Variants in MAGOH observed in about 807,000 individuals in gnomAD.
The protein encoded by MAGOH is protein mago nashi homolog.
Under a neutral mutation model 20.9 loss-of-function variants are expected in MAGOH, and 3 were observed. That is an observed-to-expected ratio of 0.14 (90% confidence interval 0.07 to 0.37). The LOEUF is 0.37. Ranked by LOEUF, MAGOH falls within the 10% of genes least tolerant of loss-of-function variation. The pLI is 1.00. For missense variants in MAGOH, 66 were observed against 178.1 expected (o/e 0.37, Z 3.58); for synonymous variants, 51 against 61.0 (o/e 0.84, Z 0.76).
intron 4 of MAGOH, among the ~76,000 whole-genome samples, chr1:53,227,901 C>T: frequency 6.6e-6 from 1 of 152,140 alleles, no homozygotes; most frequent in Non-Finnish European, 1.5e-5. Context: ...TTGAAGATTA[C>T]TGTGGCATCA....
At chr1:53,228,471 T>C (rs1462771015) in intron 4 of MAGOH, among the ~76,000 whole-genome samples, 1 of 152,002 alleles carries the variant, frequency 6.6e-6, no homozygotes, top group East Asian at 1.9e-4. Context: ...AAATAAAACT[T>C]AGATCCTAAA....
chr1:53,227,946 C>A (rs1053719676), intron 4 of MAGOH, among the ~76,000 whole-genome samples: 1 of 152,134 alleles, frequency 6.6e-6, no homozygotes, highest in Non-Finnish European at 1.5e-5. Flanking sequence ...AAGACAATTA[C>A]GCCCAACATT....
At position 53,233,551 on chromosome 1, in the gene MAGOH, C is replaced by T. The variant is rs1415713257; in HGVS notation, c.249G>A (p.Val83=). 5.0e-6 allele frequency: 8 copies of T among 1,612,320 alleles called. No individual in the cohort carries two copies. Among genetic ancestry groups the T allele is most frequent in the Non-Finnish European group, 5.9e-6 (7 of 1,178,416 alleles). Residue 83 remains valine (V), a synonymous_variant, in exon 3 of 5, where the codon GTG becomes GTA. Transcript: ENST00000371470. ...AATCAATAAAACACACCTGCCGGCC[C>T]ACTCGGTCAGGAGGAGGCCACAATG... ...DDALWPPPDR[V]GRQELEIVIG...
chr1:53,237,673 C>CGAAAAAAAAAAAAA (rs1645619184), intron 1 of MAGOH, among the ~76,000 whole-genome samples: 1 of 55,330 alleles, frequency 1.8e-5, no homozygotes, highest in South Asian at 7.3e-4. Context: ...AAAGCCGTCT[C>CGAAAAAAAAAAAAA]AAAAAAAAAA....
intron 2 of MAGOH, among the ~76,000 whole-genome samples, chr1:53,234,578 A>G (rs1374109865): frequency 6.6e-6 from 1 of 151,864 alleles, no homozygotes; most frequent in Non-Finnish European, 1.5e-5. Flanking sequence ...GCTTCACCGT[A>G]TTAGCCAGGA....
chr1:53,235,545 T>C lies in MAGOH; in HGVS notation c.147+32A>G, dbSNP rs775750970. On this transcript the variant is annotated intron_variant, in intron 2 of 4. Transcript: ENST00000371470. ...AGACAAAAAGCTGAAATGTAGCAAA[T>C]GAAGGACTCTCAGAAGGCAGAAGGC... 4.2e-5 allele frequency: 67 copies of C among 1,588,542 alleles called. 1 individual carries two copies. Among genetic ancestry groups the C allele is most frequent in the Non-Finnish European group, 8.6e-7 (1 of 1,159,188 alleles).
chr1:53,232,719 AAAGAT>A (rs1645592333), intron 3 of MAGOH, among the ~76,000 whole-genome samples: 1 of 152,378 alleles, frequency 6.6e-6, no homozygotes, highest in East Asian at 1.9e-4. Flanking sequence ...AAGCCCGGTA[AAAGAT>A]AAGGTGGGAG....
Position 53,238,509 on chromosome 1 carries a change from G to C in MAGOH, c.-61C>G. 2.1e-6 allele frequency: 3 copies of C among 1,461,854 alleles called. No homozygotes were observed. The highest frequency in any genetic ancestry group is 2.3e-5 in the East Asian group (1 of 44,214). The allele number at this position is 1,461,854 out of a possible 1,614,324, so 90.6% of individuals were successfully genotyped here. On this transcript the variant is annotated 5_prime_UTR_variant, in exon 1 of 5. Transcript: ENST00000371470. ...AGCAAGCCGCACTGCCGCCGTCTGC[G>C]CCCGACACTGACGTTTGCGGCGGCG...
intron 2 of MAGOH, among the ~76,000 whole-genome samples, chr1:53,234,239 G>C (rs1375928208): frequency 1.3e-5 from 2 of 152,120 alleles, no homozygotes; most frequent in African/African-American, 2.4e-5. Context: ...CACTGAACTT[G>C]CCAGCGCCTT....
rs773415941 is a variant in MAGOH, at chr1:53,228,978, A to G, written c.259-24T>C. On this transcript the variant is annotated intron_variant, in intron 3 of 4. Coordinates refer to ENST00000371470, the MANE Select transcript of MAGOH (RefSeq NM_002370.4). ...TCCTAGAAACATTTTAGAAAATCGAAGTCAAGTAGAATTGGATTATTCATC... is the reference window on the plus strand; with the variant it reads ...TCCTAGAAACATTTTAGAAAATCGAGGTCAAGTAGAATTGGATTATTCATC... The G allele has an allele frequency of 2.7e-6, 4 of 1,495,982 alleles. No homozygotes were observed. The South Asian group carries it at 4.5e-5, about 17-fold the overall frequency. The allele number at this position is 1,495,982 out of a possible 1,614,324, so 92.7% of individuals were successfully genotyped here. A position where few individuals can be genotyped will look rare whatever the true frequency, so the allele number is the denominator to read the frequency against.
At chr1:53,236,687 CTCT>C (rs1447918813) in intron 1 of MAGOH, among the ~76,000 whole-genome samples, 2 of 152,218 alleles carry the variant, frequency 1.3e-5, no homozygotes, top group African/African-American at 4.8e-5. Flanking sequence ...TGCGAGCCTC[CTCT>C]GTTTCTTTTT....
intron 3 of MAGOH, among the ~76,000 whole-genome samples, chr1:53,232,506 T>TTA (rs1645590962): frequency 6.6e-6 from 1 of 152,062 alleles, no homozygotes; most frequent in African/African-American, 2.4e-5. Flanking sequence ...GGAAGCGACT[T>TTA]CTTAGATTGG....
intron 3 of MAGOH, among the ~76,000 whole-genome samples, chr1:53,230,247 G>GA (rs915094651): frequency 6.6e-6 from 1 of 151,836 alleles, no homozygotes; most frequent in Non-Finnish European, 1.5e-5. Context: ...TCAGAAAATC[G>GA]AAAAAACTGA....
At chr1:53,229,131 T>C (rs755022470) in intron 3 of MAGOH, among the ~76,000 whole-genome samples, 177 bp from the exon 4 acceptor site, 6 of 151,604 alleles carry the variant, frequency 4.0e-5, no homozygotes, top group Non-Finnish European at 8.8e-5. Context: ...TAAATACAGC[T>C]CATATTTAGA....
chr1:53,227,068 G>T lies in MAGOH; in HGVS notation c.418C>A (p.His140Asn). ...GTCTAGATTGGTTTAATCTTGAAGT[G>T]TAATCCAATAAGACTGAAGACCAAA... ...KCLVFSLIGL[H>N]FKIKPI The change falls in exon 5 of 5, where the codon CAC becomes AAC. Residue 140 changes from histidine to asparagine, a missense_variant. By Grantham distance (68) the His-to-Asn change is moderately conservative. Transcript: ENST00000371470. 1.3e-6 allele frequency: 2 copies of T among 1,497,178 alleles called. No individual in the cohort carries two copies. The highest frequency in any genetic ancestry group is 1.8e-6 in the Non-Finnish European group (2 of 1,098,186). 92.7% of individuals were successfully genotyped at this position (1,497,178 alleles called of 1,614,324 possible).
In MAGOH at chr1:53,229,883, T is replaced by C. The variant is rs181596646; in HGVS notation, c.259-929A>G. On this transcript the variant is annotated intron_variant, in intron 3 of 4. Coordinates refer to ENST00000371470, the MANE Select transcript of MAGOH (RefSeq NM_002370.4). Reference sequence around the variant, plus strand: ...GCAGTGAGCCATGATCTCATCACTGTACTCCAGCTTGGGCAACAGAGTGAG... The same window carrying C: ...GCAGTGAGCCATGATCTCATCACTGCACTCCAGCTTGGGCAACAGAGTGAG... Among the ~76,000 whole-genome samples the C allele has an allele frequency of 4.3e-4, 66 of 152,286 alleles. No homozygotes were observed. The East Asian group carries it at 0.012, about 28-fold the overall frequency.
In MAGOH at chr1:53,228,559, G is replaced by A. The variant is rs900078042; in HGVS notation, c.341+313C>T. Among the ~76,000 whole-genome samples the A allele has an allele frequency of 5.3e-5, 8 of 152,090 alleles. No individual in the cohort carries two copies. The South Asian group carries it at 1.2e-3, about 24-fold the overall frequency. ...CACACTGAGAAAGCTATTCAGACTC[G>A]GTGACTCTACAGTTTATCATGAGCA... On this transcript the variant is annotated intron_variant, in intron 4 of 4. Coordinates refer to ENST00000371470, the MANE Select transcript of MAGOH (RefSeq NM_002370.4).
intron 3 of MAGOH, among the ~76,000 whole-genome samples, chr1:53,230,720 T>G (rs1324088557): frequency 6.6e-6 from 1 of 152,132 alleles, no homozygotes; most frequent in East Asian, 1.9e-4. Context: ...AATGCAGGCA[T>G]GAGTCACTGC....
chr1:53,233,370 C>T (rs969746848), intron 3 of MAGOH, 172 bp downstream of exon 3: 11 of 505,420 alleles, frequency 2.2e-5, no homozygotes, highest in South Asian at 3.4e-5. Context: ...TATGATTTTC[C>T]TTTCATTAGA....
Sources: allele counts gnomAD v4.1 joint callset (sites outside exome capture counted in the v4.1 genomes callset), GRCh38; gene constraint gnomAD v4.1.1; transcripts MANE v1.5; gene names NCBI Gene and HGNC (gene_info 2026-07-23, HGNC 2026-07-21).